Variants in LMO7 observed in about 807,000 individuals in gnomAD.
The protein encoded by LMO7 is LIM domain only protein 7.
LMO7 carries 120 observed loss-of-function variants against 206.5 expected under a neutral mutation model. The observed-to-expected ratio is 0.58, with a 90% confidence interval of 0.50 to 0.68. The LOEUF is 0.68. Among genes scored for constraint, LMO7 ranks in the 30% least tolerant of loss-of-function variants. LMO7 has a pLI of 0.00. For missense variants in LMO7, 1,959 were observed against 1,957.9 expected, an observed-to-expected ratio of 1.00 and a Z score of -0.01; for synonymous variants, 706 against 681.5, an observed-to-expected ratio of 1.04 and a Z score of -0.56.
Position 75,641,726 on chromosome 13 carries a change from C to T in LMO7, c.69+5000C>T, listed in dbSNP as rs2036551516. 2.6e-5 allele frequency among the ~76,000 whole-genome samples: 4 copies of T among 152,162 alleles called. No homozygotes were observed. The South Asian group carries it at 8.3e-4, about 32-fold the overall frequency. ...CTGGAGTGCAGTGCTGTGATCTTGGCTCACTGCAACCTTCGCCTCCTGGAT... is the reference window on the plus strand; with the variant it reads ...CTGGAGTGCAGTGCTGTGATCTTGGTTCACTGCAACCTTCGCCTCCTGGAT... On this transcript the variant is annotated intron_variant, in intron 1 of 30. Transcript: ENST00000377534.
At chr13:75,663,544 C>T (rs2038835531) in intron 1 of LMO7, among the ~76,000 whole-genome samples, 1 of 150,958 alleles carries the variant, frequency 6.6e-6, no homozygotes, top group Non-Finnish European at 1.5e-5. Context: ...CATTCTCCTG[C>T]ATCAGCCTCC....
At chr13:75,833,251 T>C in intron 16 of LMO7, 86 bp downstream of exon 16, 1 of 806,600 alleles carries the variant, frequency 1.2e-6, no homozygotes, top group African/African-American at 1.7e-5. Flanking sequence ...ATTAGTGTAT[T>C]TGATATAGGA....
chr13:75,673,650 C>T (rs1475496838), intron 1 of LMO7, among the ~76,000 whole-genome samples: 1 of 152,150 alleles, frequency 6.6e-6, no homozygotes, highest in Non-Finnish European at 1.5e-5. Context: ...ATCTTCAAGC[C>T]ACTTTTAACT....
At chr13:75,787,457 T>G (rs1189930830) in intron 4 of LMO7, among the ~76,000 whole-genome samples, 1 of 152,188 alleles carries the variant, frequency 6.6e-6, no homozygotes. Flanking sequence ...TATGCTATTC[T>G]TAGTAGTGTG....
At chr13:75,753,634 T>A (rs2047450212) in intron 3 of LMO7, among the ~76,000 whole-genome samples, 1 of 152,096 alleles carries the variant, frequency 6.6e-6, no homozygotes, top group Admixed American at 6.5e-5. Flanking sequence ...AGTGAGTGAG[T>A]TCTCACAAGA....
chr13:75,778,473 C>T (rs2050827766), intron 4 of LMO7, among the ~76,000 whole-genome samples: 1 of 152,198 alleles, frequency 6.6e-6, no homozygotes, highest in Non-Finnish European at 1.5e-5. Context: ...ACCTCGTGAT[C>T]CACCCGCCTC....
chr13:75,735,149 G>GTACA (rs1438012227), intron 3 of LMO7, among the ~76,000 whole-genome samples: 3 of 148,152 alleles, frequency 2.0e-5, no homozygotes, highest in Non-Finnish European at 4.5e-5. Context: ...GTGTATGTAT[G>GTACA]TACATACACA....
rs1240330736 is a variant in LMO7 at position 75,853,098 on chromosome 13, A to T, written c.4371A>T (p.Glu1457Asp). The change falls in exon 28 of 31, where the codon GAA becomes GAT. Residue 1457 changes from glutamate to aspartate, a missense_variant. Coordinates refer to ENST00000377534, the MANE Select transcript of LMO7 (RefSeq NM_001306080.2). ...AGTCTTTTTTGTGTTTCAGAGGCGA[A>T]TCTTTAGATAACCTGGACTCCCCCC... ...VSLPGIMRRG[E>D]SLDNLDSPRS... 17 of 1,594,768 alleles carry T rather than the reference A, an allele frequency of 1.1e-5. No individual in the cohort carries two copies. Among genetic ancestry groups the T allele is most frequent in the Admixed American group, 1.7e-5 (1 of 57,710 alleles).
chr13:75,636,112 G>T (rs2035793821), upstream of LMO7: 2 of 177,968 alleles, frequency 1.1e-5, no homozygotes, highest in Non-Finnish European at 2.2e-5. Flanking sequence ...CGGGCTGTGC[G>T]GGAACCCCAG....
intron 1 of LMO7, among the ~76,000 whole-genome samples, chr13:75,653,847 T>C (rs1379684187): frequency 1.3e-5 from 2 of 152,220 alleles, no homozygotes; most frequent in African/African-American, 4.8e-5. Context: ...ATCATGAATA[T>C]TAGAGATGTT....
chr13:75,667,935 G>A (rs547548111), intron 1 of LMO7, among the ~76,000 whole-genome samples: 8 of 152,344 alleles, frequency 5.3e-5, no homozygotes, highest in South Asian at 2.1e-4. Context: ...TAGGCTGGGC[G>A]CAGTGGCTCA....
At chr13:75,708,714 G>A (rs2042842566) in intron 1 of LMO7, among the ~76,000 whole-genome samples, 1 of 152,028 alleles carries the variant, frequency 6.6e-6, no homozygotes, top group Non-Finnish European at 1.5e-5. Flanking sequence ...GATAATCCAG[G>A]GTCCTTTCAG....
intron 2 of LMO7, chr13:75,628,677 A>G (rs563645422): frequency 3.9e-5 from 6 of 152,224 alleles, no homozygotes; most frequent in Non-Finnish European, 5.9e-5. Flanking sequence ...TTTTTGAATC[A>G]TAACCAATCA....
At chr13:75,805,963 C>A in intron 9 of LMO7, 3 of 1,122,426 alleles carry the variant, frequency 2.7e-6, no homozygotes, top group Non-Finnish European at 3.6e-6. Context: ...CTGTTCTATA[C>A]ATAGTCATAG....
chr13:75,641,940 C>T lies in LMO7; in HGVS notation c.69+5214C>T, dbSNP rs969310224. ...CTCCTAAAGTGCTGGGATTACAGGG[C>T]GTGAGCCACCACACCCGGCCCCATT... On this transcript the variant is annotated intron_variant, in intron 1 of 30. Coordinates refer to ENST00000377534, the MANE Select transcript of LMO7 (RefSeq NM_001306080.2). 2.3e-4 allele frequency among the ~76,000 whole-genome samples: 35 copies of T among 152,030 alleles called. 1 individual carries two copies. Among genetic ancestry groups the T allele is most frequent in the South Asian group, 4.1e-4 (2 of 4,820 alleles).
At chr13:75,694,901 C>T (rs1000217207) in intron 1 of LMO7, among the ~76,000 whole-genome samples, 5 of 152,114 alleles carry the variant, frequency 3.3e-5, no homozygotes, top group Admixed American at 6.5e-5. Flanking sequence ...AGCCGGTGAG[C>T]TCAGGGAGAA....
Position 75,761,012 on chromosome 13 carries a change from G to A in LMO7, c.291G>A (p.Gln97=), listed in dbSNP as rs1405679950. The change falls in exon 4 of 31, where the codon CAG becomes CAA. Residue 97 remains glutamine, a synonymous_variant. Transcript: ENST00000377534. ...EAQLFHPGDL[Q]DLSNRVTVKQ... is the part of the protein sequence containing the mutation. Reference sequence around the variant, plus strand: ...AGCTTTTCCATCCTGGAGATCTACAGGATTTATCAAATCGAGTCACTGTCA... The same window carrying A: ...AGCTTTTCCATCCTGGAGATCTACAAGATTTATCAAATCGAGTCACTGTCA... 6.2e-7 allele frequency: 1 copy of A among 1,607,446 alleles called. No homozygotes were observed. Among genetic ancestry groups the A allele is most frequent in the Non-Finnish European group, 8.5e-7 (1 of 1,175,282 alleles).
At chr13:75,692,759 T>A (rs138991619) in intron 1 of LMO7, among the ~76,000 whole-genome samples, 1 of 152,382 alleles carries the variant, frequency 6.6e-6, no homozygotes, top group East Asian at 1.9e-4. Flanking sequence ...ATCGAATGGC[T>A]GTGCCTTCTC....
intron 15 of LMO7, among the ~76,000 whole-genome samples, chr13:75,831,321 T>C (rs1478734788): frequency 6.6e-6 from 1 of 152,216 alleles, no homozygotes; most frequent in Admixed American, 6.5e-5. Context: ...AAGTGCTAAG[T>C]ATTGTATTAT....
Sources: gnomAD v4.1 joint callset for allele counts (sites outside exome capture counted in the v4.1 genomes callset) on GRCh38, gnomAD v4.1.1 for gene constraint, MANE v1.5 for transcripts, NCBI Gene and HGNC (gene_info 2026-07-23, HGNC 2026-07-21) for gene names.